Variants in AUTS2 observed in about 807,000 individuals in gnomAD.
AUTS2 encodes the protein activator of transcription and developmental regulator AUTS2.
Under a neutral mutation model 112.4 loss-of-function variants are expected in AUTS2, and 17 were observed. The observed-to-expected ratio is 0.15, with a 90% confidence interval of 0.10 to 0.23. The LOEUF is 0.23. AUTS2 is among the 10% of genes least tolerant of loss of function. The probability of loss-of-function intolerance (pLI) is 1.00; values close to 1 mark genes in which losing one functional copy is unlikely to be tolerated. For missense variants in AUTS2, 1,510 were observed against 1,701.6 expected, an observed-to-expected ratio of 0.89 and a Z score of 1.98; for synonymous variants, 751 against 702.7, an observed-to-expected ratio of 1.07 and a Z score of -1.09.
chr7:69,607,003 A>G (rs952920044), intron 1 of AUTS2, among the ~76,000 whole-genome samples: 1 of 152,182 alleles, frequency 6.6e-6, no homozygotes. Flanking sequence ...ATAGCTTTGC[A>G]TCTGTTGGTA....
At chr7:69,771,317 A>G (rs1341780746) in intron 1 of AUTS2, among the ~76,000 whole-genome samples, 2 of 152,238 alleles carry the variant, frequency 1.3e-5, no homozygotes, top group African/African-American at 4.8e-5. Flanking sequence ...GTGGTGAGAA[A>G]GTAAATTTGG....
intron 5 of AUTS2, among the ~76,000 whole-genome samples, chr7:70,506,746 A>C (rs183004799): frequency 1.3e-5 from 2 of 152,294 alleles, no homozygotes; most frequent in East Asian, 3.9e-4. Flanking sequence ...TCTGAGTTCA[A>C]ATGTAAGCGT....
At chr7:69,724,058 C>G (rs967567667) in intron 1 of AUTS2, among the ~76,000 whole-genome samples, 2 of 152,080 alleles carry the variant, frequency 1.3e-5, no homozygotes, top group Non-Finnish European at 2.9e-5. Context: ...CATGGTATTT[C>G]TGAGTATAAG....
chr7:70,273,136 C>T (rs186055104), intron 4 of AUTS2, among the ~76,000 whole-genome samples: 28 of 152,238 alleles, frequency 1.8e-4, no homozygotes, highest in Admixed American at 3.3e-4. Context: ...GCAACCTCCA[C>T]CTCCTAGGCT....
chr7:69,658,362 C>T (rs1173008148), intron 1 of AUTS2, among the ~76,000 whole-genome samples: 1 of 152,124 alleles, frequency 6.6e-6, no homozygotes, highest in Non-Finnish European at 1.5e-5. Context: ...TATTCTGATC[C>T]TAAAAGTGTT....
intron 5 of AUTS2, among the ~76,000 whole-genome samples, chr7:70,677,525 C>T (rs1807978491): frequency 6.6e-6 from 1 of 152,162 alleles, no homozygotes; most frequent in Non-Finnish European, 1.5e-5. Flanking sequence ...GGTTCTGCCT[C>T]CTAAGTGTGT....
intron 1 of AUTS2, among the ~76,000 whole-genome samples, chr7:69,726,121 A>C (rs998713420): frequency 3.3e-5 from 5 of 152,192 alleles, no homozygotes; most frequent in Admixed American, 6.5e-5. Context: ...ATACATACCC[A>C]TGTAGCACAC....
intron 2 of AUTS2, among the ~76,000 whole-genome samples, chr7:69,973,437 A>G (rs1044639005): frequency 6.6e-6 from 1 of 152,178 alleles, no homozygotes; most frequent in Non-Finnish European, 1.5e-5. Context: ...TTCTTGGCTA[A>G]TTGCACTGAG....
At chr7:70,166,708 G>A (rs1037511094) in intron 4 of AUTS2, among the ~76,000 whole-genome samples, 15 of 151,864 alleles carry the variant, frequency 9.9e-5, no homozygotes, top group Non-Finnish European at 1.6e-4. Flanking sequence ...AGAAAAAAAG[G>A]GAACAAAAGA....
At chr7:69,905,962 G>GA (rs1265733620) in intron 2 of AUTS2, among the ~76,000 whole-genome samples, 2 of 152,178 alleles carry the variant, frequency 1.3e-5, no homozygotes, top group African/African-American at 4.8e-5. Context: ...CCCAAAGTAA[G>GA]AAAATTTTAT....
At chr7:70,696,031 T>TAA (rs34605942) in intron 5 of AUTS2, among the ~76,000 whole-genome samples, 12,665 of 152,026 alleles carry the variant, frequency 0.083, 782 homozygotes, top group East Asian at 0.27. Context: ...TAATTTTTTT[T>TAA]AAAAAGCCAG....
At chr7:70,572,195 C>T (rs969767293) in intron 5 of AUTS2, among the ~76,000 whole-genome samples, 11 of 152,008 alleles carry the variant, frequency 7.2e-5, no homozygotes, top group Non-Finnish European at 1.2e-4. Context: ...ACACATGCCG[C>T]GGGCTTGGGC....
intron 1 of AUTS2, among the ~76,000 whole-genome samples, chr7:69,702,567 G>A (rs572350281): frequency 6.6e-6 from 1 of 152,272 alleles, no homozygotes; most frequent in South Asian, 2.1e-4. Context: ...GGGGGCAGTG[G>A]TTACTACATG....
intron 5 of AUTS2, among the ~76,000 whole-genome samples, chr7:70,583,163 A>G (rs1412685383): frequency 6.6e-6 from 1 of 152,216 alleles, no homozygotes; most frequent in Non-Finnish European, 1.5e-5. Context: ...GTTTTACAGG[A>G]AGCTTAGGCG....
chr7:70,126,185 G>A (rs978487899), intron 3 of AUTS2, among the ~76,000 whole-genome samples: 19 of 152,132 alleles, frequency 1.2e-4, no homozygotes, highest in East Asian at 1.9e-4. Flanking sequence ...TTTGGAGGCC[G>A]AGGCAGGCAG....
intron 5 of AUTS2, among the ~76,000 whole-genome samples, chr7:70,603,244 C>T (rs1459919427): frequency 1.3e-5 from 2 of 152,000 alleles, no homozygotes; most frequent in Non-Finnish European, 2.9e-5. Flanking sequence ...TTATCCTAAG[C>T]AGGAGAGAAG....
intron 1 of AUTS2, among the ~76,000 whole-genome samples, chr7:69,658,430 C>T (rs1280974809): frequency 6.6e-6 from 1 of 152,038 alleles, no homozygotes; most frequent in Admixed American, 6.6e-5. Flanking sequence ...CATTTGTAAC[C>T]TTAGGTTTAA....
intron 4 of AUTS2, among the ~76,000 whole-genome samples, chr7:70,318,168 T>G (rs1790087450): frequency 6.6e-6 from 1 of 152,070 alleles, no homozygotes; most frequent in Non-Finnish European, 1.5e-5. Flanking sequence ...GATGAACTCA[T>G]TCAGGGTATA....
At chr7:70,376,968 C>A (rs1278557466) in intron 4 of AUTS2, among the ~76,000 whole-genome samples, 1 of 151,566 alleles carries the variant, frequency 6.6e-6, no homozygotes, top group East Asian at 1.9e-4. Flanking sequence ...GACATCTGGC[C>A]TATGTAAGTT....
Sources: gnomAD v4.1 joint callset for allele counts (sites outside exome capture counted in the v4.1 genomes callset) on GRCh38, gnomAD v4.1.1 for gene constraint, MANE v1.5 for transcripts, NCBI Gene and HGNC (gene_info 2026-07-23, HGNC 2026-07-21) for gene names.